Variants in FRMD4A observed in about 807,000 individuals in gnomAD.
FRMD4A encodes FERM domain-containing protein 4A.
A neutral mutation model predicts 129.1 loss-of-function variants in FRMD4A; 29 were observed. The ratio of observed to expected loss-of-function variants is 0.22; its 90% CI spans 0.17 to 0.31. The LOEUF (loss-of-function observed/expected upper bound fraction) is 0.31. Among genes scored for constraint, FRMD4A ranks in the 10% least tolerant of loss-of-function variants. FRMD4A has a pLI of 1.00. For synonymous variants in FRMD4A, 634 were observed against 571.6 expected, an observed-to-expected ratio of 1.11 and a Z score of -1.56; for missense variants, 1,272 against 1,375.8, an observed-to-expected ratio of 0.92 and a Z score of 1.19.
intron 2 of FRMD4A, among the ~76,000 whole-genome samples, chr10:13,891,167 T>C (rs1026906403): frequency 6.6e-6 from 1 of 152,058 alleles, no homozygotes; most frequent in Non-Finnish European, 1.5e-5. Flanking sequence ...CTGCAGCCAT[T>C]TGGAACGTAA....
intron 2 of FRMD4A, among the ~76,000 whole-genome samples, chr10:14,219,747 G>T (rs926173516): frequency 6.6e-6 from 1 of 152,172 alleles, no homozygotes; most frequent in Non-Finnish European, 1.5e-5. Flanking sequence ...CAAGCTGGGA[G>T]GCTGCCTGTG....
intron 2 of FRMD4A, among the ~76,000 whole-genome samples, chr10:14,283,539 A>C (rs973307339): frequency 3.3e-5 from 5 of 152,240 alleles, no homozygotes; most frequent in African/African-American, 9.6e-5. Flanking sequence ...TATGAAAAAT[A>C]AATCCAAGAA....
chr10:13,737,822 C>A (rs564173772), intron 12 of FRMD4A, 22 bp downstream of exon 12: 3 of 1,386,060 alleles, frequency 2.2e-6, no homozygotes, highest in South Asian at 2.3e-5. Context: ...GGAGTTAAAC[C>A]CAAGCAGGAG....
chr10:13,923,429 G>A (rs1188409801), intron 2 of FRMD4A, among the ~76,000 whole-genome samples: 1 of 152,196 alleles, frequency 6.6e-6, no homozygotes, highest in Non-Finnish European at 1.5e-5. Context: ...CTTAGGCTCT[G>A]TGGGCAGGTC....
chr10:14,222,929 A>C (rs1314886376), intron 2 of FRMD4A, among the ~76,000 whole-genome samples: 1 of 152,174 alleles, frequency 6.6e-6, no homozygotes, highest in Non-Finnish European at 1.5e-5. Context: ...CTTTACTAAA[A>C]ATACAAAAAT....
intron 2 of FRMD4A, among the ~76,000 whole-genome samples, chr10:14,065,121 A>G (rs1407623073): frequency 1.3e-5 from 2 of 152,206 alleles, no homozygotes; most frequent in East Asian, 3.9e-4. Context: ...CGACCATTAT[A>G]TCAGCAACAG....
intron 2 of FRMD4A, among the ~76,000 whole-genome samples, chr10:14,295,156 G>A (rs976104555): frequency 2.0e-5 from 3 of 152,114 alleles, no homozygotes; most frequent in Non-Finnish European, 4.4e-5. Context: ...CATGCTTGGA[G>A]GGCTTTGCAA....
At chr10:13,867,834 T>A (rs2131072811) in intron 2 of FRMD4A, among the ~76,000 whole-genome samples, 1 of 137,478 alleles carries the variant, frequency 7.3e-6, no homozygotes, top group South Asian at 2.1e-4. Context: ...ATATAATATA[T>A]AATAAATAAT....
intron 2 of FRMD4A, among the ~76,000 whole-genome samples, chr10:14,179,961 G>C (rs1841857407): frequency 6.6e-6 from 1 of 152,210 alleles, no homozygotes; most frequent in Admixed American, 6.5e-5. Flanking sequence ...TTGAATCCAG[G>C]AGGCGGAGGT....
At chr10:14,251,363 G>T (rs1030039414) in intron 2 of FRMD4A, among the ~76,000 whole-genome samples, 12 of 152,114 alleles carry the variant, frequency 7.9e-5, no homozygotes, top group Admixed American at 3.3e-4. Flanking sequence ...TCTATGGGAG[G>T]TCCACATAGT....
At chr10:14,154,197 G>T (rs184845712) in intron 2 of FRMD4A, among the ~76,000 whole-genome samples, 2 of 152,276 alleles carry the variant, frequency 1.3e-5, no homozygotes, top group African/African-American at 4.8e-5. Flanking sequence ...ACCCGCATCG[G>T]CTTTGAGGGA....
intron 12 of FRMD4A, among the ~76,000 whole-genome samples, chr10:13,714,102 C>T (rs1249036658): frequency 3.5e-5 from 4 of 113,936 alleles, no homozygotes; most frequent in Non-Finnish European, 7.3e-5. Context: ...CTCTATCCTC[C>T]AGGCTGGAGT....
intron 2 of FRMD4A, among the ~76,000 whole-genome samples, chr10:14,049,152 G>A (rs943413319): frequency 6.6e-6 from 1 of 152,148 alleles, no homozygotes; most frequent in Admixed American, 6.5e-5. Context: ...GATGTGGCCT[G>A]TTCAGTTCAT....
At chr10:13,713,995 T>TATACATATAAAAA (rs2088405302) in intron 12 of FRMD4A, among the ~76,000 whole-genome samples, 1 of 71,298 alleles carries the variant, frequency 1.4e-5, no homozygotes, top group Non-Finnish European at 2.6e-5. Flanking sequence ...ACATATATAA[T>TATACATATAAAAA]ATACATATAT....
rs1206993015 is a variant in FRMD4A at position 13,778,867 on chromosome 10, G to A, written c.384+4055C>T. ...ATAAAAGGCTGCATCTATCTCTTGGGTTGATGGGTGCAGCAAACCATCATG... is the reference window on the plus strand; with the variant it reads ...ATAAAAGGCTGCATCTATCTCTTGGATTGATGGGTGCAGCAAACCATCATG... On this transcript the variant is annotated intron_variant, in intron 6 of 24. Transcript: ENST00000357447. Among the ~76,000 whole-genome samples, 4 of 152,102 alleles carry A rather than the reference G, an allele frequency of 2.6e-5. No homozygotes were observed. In the East Asian group the frequency reaches 5.8e-4, roughly 22 times the overall value.
At chr10:14,081,660 T>C (rs1190470758) in intron 2 of FRMD4A, among the ~76,000 whole-genome samples, 1 of 152,182 alleles carries the variant, frequency 6.6e-6, no homozygotes, top group Non-Finnish European at 1.5e-5. Flanking sequence ...ATATACAAAA[T>C]GTCTTTTATC....
At chr10:14,153,211 C>G (rs1417222102) in intron 2 of FRMD4A, among the ~76,000 whole-genome samples, 1 of 152,320 alleles carries the variant, frequency 6.6e-6, no homozygotes, top group African/African-American at 2.4e-5. Flanking sequence ...GGCTTAGATT[C>G]AAACGAATTC....
chr10:14,175,047 C>T (rs1291317628), intron 2 of FRMD4A, among the ~76,000 whole-genome samples: 1 of 152,106 alleles, frequency 6.6e-6, no homozygotes, highest in African/African-American at 2.4e-5. Context: ...TAGGTCAGAG[C>T]ATAATGCAGT....
intron 2 of FRMD4A, among the ~76,000 whole-genome samples, chr10:13,912,188 A>T (rs75949509): frequency 0.015 from 2,263 of 152,354 alleles, 53 homozygotes; most frequent in African/African-American, 0.051. Context: ...CAAGGAATGT[A>T]AGATAAACAA....
Sources: gnomAD v4.1 joint callset for allele counts (sites outside exome capture counted in the v4.1 genomes callset) on GRCh38, gnomAD v4.1.1 for gene constraint, MANE v1.5 for transcripts, NCBI Gene and HGNC (gene_info 2026-07-23, HGNC 2026-07-21) for gene names.